The following MSRA variants were observed in gnomAD, a reference collection of about 807,000 sequenced individuals.
The protein encoded by MSRA is methionine sulfoxide reductase A.
Under a neutral mutation model 31.3 loss-of-function variants are expected in MSRA, and 54 were observed. The ratio of observed to expected loss-of-function variants is 1.73; its 90% CI spans 1.39 to 2.17. MSRA has a LOEUF of 2.17. MSRA is among the 30% of genes most tolerant of loss of function. MSRA has a pLI of 0.00. For missense variants in MSRA, 507 were observed against 300.9 expected (o/e 1.69, Z -5.07); for synonymous variants, 169 against 116.5 (o/e 1.45, Z -2.90).
chr8:10,384,776 G>T (rs10105867), intron 5 of MSRA, among the ~76,000 whole-genome samples: 1 of 152,042 alleles, frequency 6.6e-6, no homozygotes, highest in Non-Finnish European at 1.5e-5. Context: ...GAGAGGCTGA[G>T]GTGGGCAGAT....
At chr8:10,304,228 C>T (rs142852856) in intron 4 of MSRA, among the ~76,000 whole-genome samples, 43 of 152,336 alleles carry the variant, frequency 2.8e-4, no homozygotes, top group African/African-American at 1.0e-3. Context: ...TGAGCCACTG[C>T]GCCTAGCCAC....
chr8:10,188,979 G>C (rs1472745574), intron 1 of MSRA, among the ~76,000 whole-genome samples: 1 of 152,160 alleles, frequency 6.6e-6, no homozygotes, highest in Non-Finnish European at 1.5e-5. Flanking sequence ...ATCTTACAGA[G>C]TCTTTCAGTT....
intron 3 of MSRA, among the ~76,000 whole-genome samples, chr8:10,294,615 G>T (rs201630183): frequency 6.6e-6 from 1 of 152,318 alleles, no homozygotes; most frequent in East Asian, 1.9e-4. Flanking sequence ...CCAGCCATCT[G>T]TCTAGATAGG....
chr8:10,282,091 C>G (rs1235004789), intron 3 of MSRA, among the ~76,000 whole-genome samples: 1 of 152,140 alleles, frequency 6.6e-6, no homozygotes, highest in Non-Finnish European at 1.5e-5. Flanking sequence ...GCATTGGGAG[C>G]TGAAATAATT....
chr8:10,400,852 C>T (rs1386536591), intron 5 of MSRA, among the ~76,000 whole-genome samples: 2 of 152,176 alleles, frequency 1.3e-5, no homozygotes, highest in Non-Finnish European at 2.9e-5. Context: ...ATCCTTACCT[C>T]ACACCATACA....
At chr8:10,097,080 A>G (rs1799207996) in intron 1 of MSRA, among the ~76,000 whole-genome samples, 1 of 152,070 alleles carries the variant, frequency 6.6e-6, no homozygotes, top group African/African-American at 2.4e-5. Flanking sequence ...GCTTTCCATT[A>G]TTGCGCGCCT....
chr8:10,333,044 AG>A (rs1802797544), intron 5 of MSRA, among the ~76,000 whole-genome samples: 1 of 151,708 alleles, frequency 6.6e-6, no homozygotes, highest in African/African-American at 2.4e-5. Flanking sequence ...CCTACTGCCC[AG>A]GTTGATGGTG....
intron 5 of MSRA, among the ~76,000 whole-genome samples, chr8:10,407,590 A>G (rs1481022160): frequency 3.3e-5 from 5 of 152,212 alleles, no homozygotes; most frequent in Non-Finnish European, 7.3e-5. Flanking sequence ...AGCGAAGACC[A>G]ACCGCTTTGG....
chr8:10,322,964 C>T (rs1047251431), intron 5 of MSRA, among the ~76,000 whole-genome samples: 1 of 151,954 alleles, frequency 6.6e-6, no homozygotes, highest in Non-Finnish European at 1.5e-5. Flanking sequence ...GTTACACGCA[C>T]CTGTAATCCG....
intron 1 of MSRA, among the ~76,000 whole-genome samples, chr8:10,156,795 G>T (rs1376527126): frequency 6.8e-6 from 1 of 145,998 alleles, no homozygotes; most frequent in Non-Finnish European, 1.5e-5. Context: ...GTTCTGTATC[G>T]ATAAGCTTCA....
intron 1 of MSRA, among the ~76,000 whole-genome samples, chr8:10,153,099 G>T (rs920306130): frequency 1.3e-5 from 2 of 152,166 alleles, no homozygotes; most frequent in Admixed American, 1.3e-4. Flanking sequence ...CAGTGTGAAT[G>T]TACTTACCAC....
At chr8:10,150,396 C>T (rs1803557549) in intron 1 of MSRA, among the ~76,000 whole-genome samples, 1 of 152,088 alleles carries the variant, frequency 6.6e-6, no homozygotes, top group Admixed American at 6.5e-5. Context: ...TTTACTATTG[C>T]TGCATTATAT....
At chr8:10,422,941 A>G (rs914189694) in intron 5 of MSRA, among the ~76,000 whole-genome samples, 1 of 152,238 alleles carries the variant, frequency 6.6e-6, no homozygotes, top group African/African-American at 2.4e-5. Flanking sequence ...GGATGAGCAC[A>G]GTCCCCTGAG....
intron 5 of MSRA, among the ~76,000 whole-genome samples, chr8:10,339,956 C>G (rs1276991911): frequency 1.3e-5 from 2 of 152,180 alleles, no homozygotes; most frequent in Non-Finnish European, 2.9e-5. Context: ...TCTGCTCTCC[C>G]TCTTCTTAAA....
At chr8:10,344,950 G>T (rs1048739357) in intron 5 of MSRA, among the ~76,000 whole-genome samples, 1 of 152,120 alleles carries the variant, frequency 6.6e-6, no homozygotes, top group Admixed American at 6.5e-5. Flanking sequence ...TTGTTCTGTC[G>T]ATTTTGCCTG....
intron 2 of MSRA, among the ~76,000 whole-genome samples, chr8:10,234,623 A>T (rs933356193): frequency 6.6e-6 from 1 of 152,090 alleles, no homozygotes; most frequent in African/African-American, 2.4e-5. Flanking sequence ...AATATATTAA[A>T]ATTACTAATT....
intron 2 of MSRA, among the ~76,000 whole-genome samples, chr8:10,217,969 C>G: frequency 6.6e-6 from 1 of 151,916 alleles, no homozygotes. Context: ...ATAATTCAGC[C>G]TGTCCTATTT....
At chr8:10,229,157 A>G (rs180700342) in intron 2 of MSRA, among the ~76,000 whole-genome samples, 2 of 152,326 alleles carry the variant, frequency 1.3e-5, no homozygotes, top group Non-Finnish European at 2.9e-5. Context: ...TGTGACTCAG[A>G]GACACACACT....
At chr8:10,157,253 T>C (rs1162012598) in intron 1 of MSRA, among the ~76,000 whole-genome samples, 1 of 152,078 alleles carries the variant, frequency 6.6e-6, no homozygotes, top group Non-Finnish European at 1.5e-5. Context: ...TGATGTATGG[T>C]ATTTGAGTTT....
Sources: gnomAD v4.1 joint callset for allele counts (sites outside exome capture counted in the v4.1 genomes callset) on GRCh38, gnomAD v4.1.1 for gene constraint, MANE v1.5 for transcripts, NCBI Gene and HGNC (gene_info 2026-07-23, HGNC 2026-07-21) for gene names.